The following PIEZO1 variants were observed in gnomAD, a reference collection of about 807,000 sequenced individuals.
PIEZO1 encodes piezo-type mechanosensitive ion channel component 1.
PIEZO1 carries 296 observed loss-of-function variants against 297.2 expected under a neutral mutation model. The ratio of observed to expected loss-of-function variants is 1.00; its 90% CI spans 0.91 to 1.10. The LOEUF (loss-of-function observed/expected upper bound fraction) is 1.10. Among genes scored for constraint, PIEZO1 ranks in the 50% least tolerant of loss-of-function variants. PIEZO1 has a pLI of 0.00. For missense variants in PIEZO1, 5,018 were observed against 3,455.5 expected (o/e 1.45, Z -11.34); for synonymous variants, 2,427 against 1,507.5 (o/e 1.61, Z -14.13).
intron 2 of PIEZO1, 108 bp from the exon 3 acceptor site, chr16:88,742,530 G>T: frequency 1.7e-6 from 2 of 1,211,478 alleles, no homozygotes; most frequent in Non-Finnish European, 2.3e-6. Context: ...CCAGAGGCCT[G>T]AGATGCAAAC....
chr16:88,762,742 C>T (rs562978754), intron 1 of PIEZO1, among the ~76,000 whole-genome samples: 1 of 152,214 alleles, frequency 6.6e-6, no homozygotes, highest in Non-Finnish European at 1.5e-5. Context: ...AACTGAGGCA[C>T]GGTGGGCTTA....
Position 88,727,061 on chromosome 16 carries a change from C to G in PIEZO1, c.3433G>C (p.Val1145Leu). The G allele has an allele frequency of 6.5e-7, 1 of 1,549,028 alleles. No individual in the cohort carries two copies. The highest frequency in any genetic ancestry group is 8.7e-7 in the Non-Finnish European group (1 of 1,145,940). ...CACCTGCAGTGGATAAAGTTGGGCA[C>G]GGGGTTGGGCTCCCCCCGCAGCGGC... ...LEPLRGEPNP[V>L]PNFIHCRSYL... The change falls in exon 24 of 51, where the codon GTG (valine) becomes CTG (leucine). Residue 1145 changes from valine to leucine, a missense_variant. Coordinates refer to ENST00000301015, the MANE Select transcript of PIEZO1 (RefSeq NM_001142864.4).
chr16:88,736,075 G>T, intron 12 of PIEZO1, 73 bp downstream of exon 12: 1 of 1,407,096 alleles, frequency 7.1e-7, no homozygotes, highest in Non-Finnish European at 9.5e-7. Context: ...CGGGCAAGTG[G>T]ACATTGAACA....
In PIEZO1 at chr16:88,725,003, G is replaced by C. The variant is rs931966030; in HGVS notation, c.4234+6C>G. The C allele has an allele frequency of 1.4e-6, 2 of 1,468,374 alleles. No homozygotes were observed. Among genetic ancestry groups the C allele is most frequent in the African/African-American group, 2.9e-5 (2 of 68,348 alleles). 91.0% of individuals were successfully genotyped at this position (1,468,374 alleles called of 1,614,324 possible). A position where few individuals can be genotyped will look rare whatever the true frequency, so the allele number is the denominator to read the frequency against. ...GGGTGGCCACAGGCGGCCTAATTGG[G>C]GGTACCTGTGGCGTGGTCCAGCCAG... On this transcript the variant is annotated splice_donor_region_variant and intron_variant, in intron 30 of 50. Coordinates refer to ENST00000301015, the MANE Select transcript of PIEZO1 (RefSeq NM_001142864.4).
At position 88,737,006 on chromosome 16, in the gene PIEZO1, G is replaced by A. The variant is rs570657803; in HGVS notation, c.1196-267C>T. 5.2e-4 allele frequency: 192 copies of A among 370,258 alleles called. 4 individuals are homozygous for A. In the South Asian group the frequency reaches 5.9e-3, roughly 11 times the overall value. The allele number at this position is 370,258 out of a possible 1,614,324, so 22.9% of individuals were successfully genotyped here. On this transcript the variant is annotated intron_variant, in intron 10 of 50. Transcript: ENST00000301015. ...GCCCTGACCCCCTTTCCAGCTCTGC[G>A]CACCTGAAGACTCTCAGGACCCCCA...
At chr16:88,742,488 A>G in intron 2 of PIEZO1, 66 bp from the exon 3 acceptor site, 1 of 1,496,690 alleles carries the variant, frequency 6.7e-7, no homozygotes, top group Non-Finnish European at 8.9e-7. Context: ...CAGGCCGCTC[A>G]GCCGGACAAT....
At chr16:88,780,531 C>T (rs1376201209) in intron 1 of PIEZO1, among the ~76,000 whole-genome samples, 1 of 152,224 alleles carries the variant, frequency 6.6e-6, no homozygotes, top group Non-Finnish European at 1.5e-5. Context: ...AAGGAAGGGT[C>T]TGTCCATGCC....
In PIEZO1 at chr16:88,737,958, G is replaced by GA; in HGVS notation, c.995dup (p.Arg333ProfsTer17). 1 of 1,532,788 alleles carries GA rather than the reference G, an allele frequency of 6.5e-7. No individual in the cohort carries two copies. The highest frequency in any genetic ancestry group is 8.7e-7 in the Non-Finnish European group (1 of 1,144,966). The allele number at this position is 1,532,788 out of a possible 1,614,324, so 94.9% of individuals were successfully genotyped here. ...CCTGGCCGGAGGGGCGGTACGCGCG[G>GA]AGCTTGCGCAGAGAGGCCGTGGCGT... On this transcript the variant is annotated frameshift_variant, in exon 8 of 51. Transcript: ENST00000301015. LOFTEE classifies it high-confidence loss of function.
intron 1 of PIEZO1, among the ~76,000 whole-genome samples, chr16:88,774,644 C>T (rs543539134): frequency 7.2e-5 from 11 of 152,290 alleles, no homozygotes; most frequent in Admixed American, 1.3e-4. Context: ...CCGGCAATCC[C>T]GCGCTGGACC....
chr16:88,754,393 C>T (rs952463711), intron 1 of PIEZO1, among the ~76,000 whole-genome samples: 5 of 152,252 alleles, frequency 3.3e-5, no homozygotes, highest in African/African-American at 9.6e-5. Flanking sequence ...CCCACTCCCA[C>T]TGGCACATAG....
Position 88,734,547 on chromosome 16 carries a change from G to A in PIEZO1, c.1998-9C>T. On this transcript the variant is annotated splice_polypyrimidine_tract_variant and intron_variant, in intron 15 of 50. Transcript: ENST00000301015. ...GGCCCAGGTCCCCCAGCCTGTGGAG[G>A]GGCAGCATCAGCACCGGCCCGGCCC... is the stretch of plus-strand genomic sequence containing the variant. 6.5e-7 allele frequency: 1 copy of A among 1,542,414 alleles called. No individual in the cohort carries two copies. Among genetic ancestry groups the A allele is most frequent in the Non-Finnish European group, 8.8e-7 (1 of 1,142,088 alleles).
chr16:88,732,866 G>T, intron 19 of PIEZO1, 134 bp from the exon 20 acceptor site: 1 of 885,024 alleles, frequency 1.1e-6, no homozygotes, highest in Non-Finnish European at 1.7e-6. Flanking sequence ...TGCCAGCCTT[G>T]GAGCCACCTT....
intron 44 of PIEZO1, 175 bp from the exon 45 acceptor site, chr16:88,717,386 G>A (rs1912127463): frequency 6.1e-6 from 4 of 660,660 alleles, no homozygotes; most frequent in African/African-American, 1.8e-5. Context: ...GAGTCCAGTT[G>A]GAACCCTCAT....
Position 88,716,141 on chromosome 16 carries a change from G to C in PIEZO1, c.7130-22C>G, listed in dbSNP as rs12102612. ...TCATCTGGGATGGAGGGAGAAGATC[G>C]TTGAGGCCGCAGGTCACCCCTCTCT... On this transcript the variant is annotated intron_variant, in intron 49 of 50. Transcript: ENST00000301015. 1.4e-3 allele frequency: 2,181 copies of C among 1,532,720 alleles called. 19 individuals are homozygous for C. The African/African-American group carries it at 0.014, about 10-fold the overall frequency. 94.9% of individuals were successfully genotyped at this position (1,532,720 alleles called of 1,614,324 possible).
rs962619199 is a variant in PIEZO1, at chr16:88,723,918, C to A, written c.4288G>T (p.Glu1430Ter). ...LFESDSEEEEEAVPEDPRPSA... is the reference protein window; with the variant it reads ...LFESDSEEEE ...GGCCTCGGGTCTTCAGGAACAGCCTCCTCCTCTTCCTCACTGTCGGACTCA... is the reference window on the plus strand; with the variant it reads ...GGCCTCGGGTCTTCAGGAACAGCCTACTCCTCTTCCTCACTGTCGGACTCA... The change falls in exon 31 of 51, where the codon GAG becomes TAG. Residue 1430 changes from glutamate (E) to a stop codon, truncating the protein, a stop_gained. Coordinates refer to ENST00000301015, the MANE Select transcript of PIEZO1 (RefSeq NM_001142864.4). LOFTEE classifies it high-confidence loss of function. The A allele has an allele frequency of 6.5e-7, 1 of 1,549,866 alleles. No individual in the cohort carries two copies. Among genetic ancestry groups the A allele is most frequent in the Non-Finnish European group, 8.7e-7 (1 of 1,146,408 alleles).
At position 88,750,456 on chromosome 16, in the gene PIEZO1, G is replaced by A. The variant is rs190904546; in HGVS notation, c.65-977C>T. ...TTCAGCCCAAATGCTCTGCGTGGCC[G>A]CACTCGCCACAGCCCCCACACCATG... On this transcript the variant is annotated intron_variant, in intron 1 of 50. Coordinates refer to ENST00000301015, the MANE Select transcript of PIEZO1 (RefSeq NM_001142864.4). 3.0e-3 allele frequency among the ~76,000 whole-genome samples: 451 copies of A among 152,346 alleles called. 1 individual carries two copies. The highest frequency in any genetic ancestry group is 0.01 in the African/African-American group (418 of 41,576).
At chr16:88,749,693 G>T (rs1433126297) in intron 1 of PIEZO1, among the ~76,000 whole-genome samples, 1 of 152,236 alleles carries the variant, frequency 6.6e-6, no homozygotes, top group East Asian at 1.9e-4. Context: ...GGGCGCTGGG[G>T]TTTTGACCCA....
Position 88,770,541 on chromosome 16 carries a change from G to A in PIEZO1, c.64+14360C>T, listed in dbSNP as rs534711752. Reference sequence around the variant, plus strand: ...GCTCCAGAACTGCAGTCCATCGGGAGAGGTGGCCGTTAGTGCGGGGGCCCC... The same window carrying A: ...GCTCCAGAACTGCAGTCCATCGGGAAAGGTGGCCGTTAGTGCGGGGGCCCC... On this transcript the variant is annotated intron_variant, in intron 1 of 50. Coordinates refer to ENST00000301015, the MANE Select transcript of PIEZO1 (RefSeq NM_001142864.4). Among the ~76,000 whole-genome samples, 434 of 152,352 alleles carry A rather than the reference G, an allele frequency of 2.8e-3. 2 individuals carry two copies. Among genetic ancestry groups the A allele is most frequent in the African/African-American group, 0.01 (418 of 41,588 alleles).
chr16:88,741,585 G>A lies in PIEZO1; in HGVS notation c.358C>T (p.Arg120Trp), dbSNP rs778223284. ...ATGCCCAGGTCAGGGGCCACCAGCC[G>A]GATGGCGTTGGGGATGTCCTTCAGG... The part of the protein sequence containing the change: ...LDLKDIPNAI[R>W]LVAPDLGILV... The change falls in exon 5 of 51, where the codon CGG becomes TGG. Residue 120 changes from arginine to tryptophan, a missense_variant. Coordinates refer to ENST00000301015, the MANE Select transcript of PIEZO1 (RefSeq NM_001142864.4). 24 of 1,535,282 alleles carry A rather than the reference G, an allele frequency of 1.6e-5. No individual in the cohort carries two copies. The highest frequency in any genetic ancestry group is 1.7e-4 in the Middle Eastern group (1 of 6,008).
Sources: allele counts gnomAD v4.1 joint callset (sites outside exome capture counted in the v4.1 genomes callset), GRCh38; gene constraint gnomAD v4.1.1; transcripts MANE v1.5; gene names NCBI Gene and HGNC (gene_info 2026-07-23, HGNC 2026-07-21).